TSPAN9: variants seen among roughly 807,000 people sequenced by gnomAD.
TSPAN9 encodes tetraspanin 9.
Under a neutral mutation model 31.0 loss-of-function variants are expected in TSPAN9, and 16 were observed. The observed-to-expected ratio is 0.52, with a 90% CI of 0.35 to 0.78. TSPAN9 has a LOEUF of 0.78. TSPAN9 is among the 30% of genes least tolerant of loss of function. TSPAN9 has a pLI of 0.01. For synonymous variants in TSPAN9, 145 were observed against 121.6 expected, an observed-to-expected ratio of 1.19 and a Z score of -1.27; for missense variants, 272 against 312.5, an observed-to-expected ratio of 0.87 and a Z score of 0.98.
At chr12:3,099,815 C>G (rs535796974) in intron 2 of TSPAN9, among the ~76,000 whole-genome samples, 3 of 151,394 alleles carry the variant, frequency 2.0e-5, no homozygotes, top group Non-Finnish European at 1.5e-5. Context: ...TACCGAATAC[C>G]CTGTGTTTTT....
At chr12:3,174,738 G>T (rs376366632) in intron 2 of TSPAN9, among the ~76,000 whole-genome samples, 10 of 138,850 alleles carry the variant, frequency 7.2e-5, no homozygotes, top group Non-Finnish European at 9.8e-5. Context: ...GCCCACCACC[G>T]CGCCCGGCTA....
intron 3 of TSPAN9, among the ~76,000 whole-genome samples, chr12:3,235,623 A>G (rs2098393367): frequency 6.6e-6 from 1 of 152,060 alleles, no homozygotes; most frequent in Non-Finnish European, 1.5e-5. Context: ...TCCCTCACTG[A>G]GTAGGTTTGA....
intron 8 of TSPAN9, among the ~76,000 whole-genome samples, chr12:3,282,538 C>T (rs367977199): frequency 7.2e-5 from 11 of 152,336 alleles, no homozygotes; most frequent in African/African-American, 2.6e-4. Flanking sequence ...GGACTACAGG[C>T]ATATACACCA....
intron 1 of TSPAN9, among the ~76,000 whole-genome samples, chr12:3,079,504 C>T (rs11062488): frequency 0.025 from 3,842 of 152,162 alleles, 164 homozygotes; most frequent in African/African-American, 0.088. Context: ...TTTTGTTGCC[C>T]AGGCTGGAGT....
At chr12:3,113,165 C>T (rs1296047723) in intron 2 of TSPAN9, among the ~76,000 whole-genome samples, 1 of 152,154 alleles carries the variant, frequency 6.6e-6, no homozygotes, top group Non-Finnish European at 1.5e-5. Flanking sequence ...TGTAAGAGCC[C>T]ATCAAGGGAA....
chr12:3,230,558 C>T lies in TSPAN9; in HGVS notation c.63+29302C>T, dbSNP rs142595259. ...ACAGTAAGTCATTTGCTTCTGCAAGCGTAGGTGCCCACGGAGCGCTCTTCA... is the reference window on the plus strand; with the variant it reads ...ACAGTAAGTCATTTGCTTCTGCAAGTGTAGGTGCCCACGGAGCGCTCTTCA... On this transcript the variant is annotated intron_variant, in intron 3 of 8. Coordinates refer to ENST00000011898, the MANE Select transcript of TSPAN9 (RefSeq NM_006675.5). 4.9e-3 allele frequency among the ~76,000 whole-genome samples: 743 copies of T among 152,268 alleles called. 7 individuals are homozygous for T. Among genetic ancestry groups the T allele is most frequent in the African/African-American group, 0.016 (656 of 41,540 alleles).
At chr12:3,195,473 A>T (rs146286668) in intron 2 of TSPAN9, among the ~76,000 whole-genome samples, 1 of 152,248 alleles carries the variant, frequency 6.6e-6, no homozygotes, top group East Asian at 1.9e-4. Flanking sequence ...CCTTGTTCAC[A>T]TGCTCAGAGA....
chr12:3,158,189 A>G (rs60986788), intron 2 of TSPAN9, among the ~76,000 whole-genome samples: 4,377 of 152,042 alleles, frequency 0.029, 211 homozygotes, highest in African/African-American at 0.099. Context: ...GTCCCGGAGG[A>G]GCATCCCCTG....
intron 3 of TSPAN9, among the ~76,000 whole-genome samples, chr12:3,259,672 A>G (rs1862412295): frequency 6.6e-6 from 1 of 152,256 alleles, no homozygotes; most frequent in African/African-American, 2.4e-5. Context: ...CATTCTGGAA[A>G]AAGGGAACAC....
chr12:3,215,459 G>A (rs998783104), intron 3 of TSPAN9: 2 of 152,248 alleles, frequency 1.3e-5, no homozygotes, highest in Non-Finnish European at 2.9e-5. Flanking sequence ...TGAGGCCTAG[G>A]AAGGGTTCTG....
intron 3 of TSPAN9, among the ~76,000 whole-genome samples, chr12:3,218,696 G>A (rs930724672): frequency 1.2e-4 from 19 of 152,222 alleles, no homozygotes; most frequent in Admixed American, 2.6e-4. Flanking sequence ...TAGCACTGGG[G>A]GCTGAGCCCG....
chr12:3,134,725 G>A (rs750127194), intron 2 of TSPAN9, among the ~76,000 whole-genome samples: 14 of 152,186 alleles, frequency 9.2e-5, no homozygotes, highest in Non-Finnish European at 1.9e-4. Context: ...ATCCAGTTTG[G>A]TCAGGCCTGG....
At chr12:3,179,458 C>G (rs977743320) in intron 2 of TSPAN9, among the ~76,000 whole-genome samples, 1 of 152,152 alleles carries the variant, frequency 6.6e-6, no homozygotes. Flanking sequence ...CCACTGTCCC[C>G]CTGCTTGGAG....
At chr12:3,243,388 T>A (rs2098397647) in intron 3 of TSPAN9, among the ~76,000 whole-genome samples, 1 of 152,128 alleles carries the variant, frequency 6.6e-6, no homozygotes, top group Non-Finnish European at 1.5e-5. Context: ...TAACTTATGT[T>A]TTGCACATAG....
intron 2 of TSPAN9, among the ~76,000 whole-genome samples, chr12:3,155,072 A>G (rs543583012): frequency 6.6e-6 from 1 of 152,254 alleles, no homozygotes; most frequent in East Asian, 1.9e-4. Context: ...TTTTTGGGTA[A>G]AATCTCCTAA....
In TSPAN9 at chr12:3,283,244, C is replaced by T; in HGVS notation, c.*128C>T. On this transcript the variant is annotated 3_prime_UTR_variant, in exon 9 of 9. Coordinates refer to ENST00000011898, the MANE Select transcript of TSPAN9 (RefSeq NM_006675.5). ...CCACCCCCCACAGCCTGCCCTACCC[C>T]ACCTACCCTGCCTCAGCCTCGGACT... 2 of 930,822 alleles carry T rather than the reference C, an allele frequency of 2.1e-6. No homozygotes were observed. The highest frequency in any genetic ancestry group is 3.6e-5 in the South Asian group (2 of 56,258). 57.7% of individuals were successfully genotyped at this position (930,822 alleles called of 1,614,324 possible). A position where few individuals can be genotyped will look rare whatever the true frequency, so the allele number is the denominator to read the frequency against.
chr12:3,274,650 T>TC (rs1444904795), intron 3 of TSPAN9, among the ~76,000 whole-genome samples: 5 of 152,168 alleles, frequency 3.3e-5, no homozygotes, highest in South Asian at 2.1e-4. Context: ...GACTTCCTTG[T>TC]CCCCCCGCTT....
chr12:3,218,363 C>A (rs1210237698), intron 3 of TSPAN9, among the ~76,000 whole-genome samples: 1 of 152,186 alleles, frequency 6.6e-6, no homozygotes, highest in East Asian at 1.9e-4. Flanking sequence ...AGGATGCTCC[C>A]TTGAGACTGC....
chr12:3,225,202 C>T (rs534390483), intron 3 of TSPAN9, among the ~76,000 whole-genome samples: 23 of 152,166 alleles, frequency 1.5e-4, no homozygotes, highest in African/African-American at 4.6e-4. Context: ...GTTGGGGGAC[C>T]GTGGGAAGGC....
Sources: gnomAD v4.1 joint callset for allele counts (sites outside exome capture counted in the v4.1 genomes callset) on GRCh38, gnomAD v4.1.1 for gene constraint, MANE v1.5 for transcripts, NCBI Gene and HGNC (gene_info 2026-07-23, HGNC 2026-07-21) for gene names.